The following RIMS2 variants were observed in gnomAD, a reference collection of about 807,000 sequenced individuals.
RIMS2 encodes the protein regulating synaptic membrane exocytosis protein 2.
In RIMS2, 59 loss-of-function variants were observed where a neutral mutation model predicts 174.4. That is an observed-to-expected ratio of 0.34 (90% confidence interval 0.27 to 0.42). RIMS2 has a LOEUF of 0.42. Among genes scored for constraint, RIMS2 ranks in the 10% least tolerant of loss-of-function variants. RIMS2 has a pLI of 1.00. For missense variants in RIMS2, 1,620 were observed against 1,666.3 expected, an observed-to-expected ratio of 0.97 and a Z score of 0.48; for synonymous variants, 606 against 572.5, an observed-to-expected ratio of 1.06 and a Z score of -0.84.
intron 1 of RIMS2, among the ~76,000 whole-genome samples, chr8:103,512,410 T>A (rs1586533332): frequency 6.6e-6 from 1 of 152,314 alleles, no homozygotes; most frequent in Non-Finnish European, 1.5e-5. Context: ...TATTTCTTTT[T>A]GGCGTTATAT....
intron 1 of RIMS2, among the ~76,000 whole-genome samples, chr8:103,669,756 G>A (rs1281519856): frequency 2.0e-5 from 3 of 152,224 alleles, no homozygotes; most frequent in Admixed American, 2.0e-4. Context: ...GGTTCTCATA[G>A]TCTTGGACAA....
At chr8:103,895,611 C>T (rs894016228) in intron 4 of RIMS2, among the ~76,000 whole-genome samples, 13 of 151,360 alleles carry the variant, frequency 8.6e-5, no homozygotes, top group African/African-American at 2.9e-4. Flanking sequence ...ACATTTAGTC[C>T]GTGGCAGTCA....
intron 19 of RIMS2, among the ~76,000 whole-genome samples, chr8:104,155,877 T>A (rs1329201458): frequency 3.9e-5 from 6 of 152,144 alleles, no homozygotes; most frequent in Non-Finnish European, 8.8e-5. Context: ...CACTTTAAGA[T>A]CTGACAAGAA....
chr8:103,842,294 A>G (rs1239126821), intron 3 of RIMS2, among the ~76,000 whole-genome samples: 12 of 152,092 alleles, frequency 7.9e-5, no homozygotes, highest in African/African-American at 2.2e-4. Flanking sequence ...TACATATAAG[A>G]AATAAAAAGG....
At chr8:104,251,984 T>A, downstream of RIMS2, 1 of 609,298 alleles carries the variant, frequency 1.6e-6, no homozygotes. Flanking sequence ...TTGCACACAT[T>A]GTGCCCTAAA....
chr8:104,089,697 T>G (rs2097601627), intron 19 of RIMS2, among the ~76,000 whole-genome samples: 1 of 151,836 alleles, frequency 6.6e-6, no homozygotes, highest in South Asian at 2.1e-4. Context: ...AGCAGAATCA[T>G]CATTAAACTG....
chr8:103,628,522 T>C (rs1226230197), intron 1 of RIMS2, among the ~76,000 whole-genome samples: 10 of 151,782 alleles, frequency 6.6e-5, no homozygotes. Flanking sequence ...GGCTGGCTAA[T>C]TTTGTATTTT....
At chr8:103,859,330 G>T (rs1052705936) in intron 3 of RIMS2, among the ~76,000 whole-genome samples, 5 of 152,144 alleles carry the variant, frequency 3.3e-5, no homozygotes, top group African/African-American at 1.2e-4. Context: ...GCCTAGTGGA[G>T]AATGCAGAAG....
intron 12 of RIMS2, among the ~76,000 whole-genome samples, chr8:103,933,286 C>G (rs1788142): frequency 4.0e-5 from 4 of 99,382 alleles, no homozygotes; most frequent in African/African-American, 2.1e-4. Flanking sequence ...GATCGAGACT[C>G]TGACACACAC....
chr8:104,047,467 ATGATCTT>A (rs2154558377), intron 19 of RIMS2, among the ~76,000 whole-genome samples: 1 of 152,198 alleles, frequency 6.6e-6, no homozygotes, highest in African/African-American at 2.4e-5. Flanking sequence ...TACTTGCTCC[ATGATCTT>A]GTGAAAGTTA....
intron 19 of RIMS2, among the ~76,000 whole-genome samples, chr8:104,031,494 T>C (rs1339666508): frequency 6.6e-6 from 1 of 152,116 alleles, no homozygotes; most frequent in Non-Finnish European, 1.5e-5. Flanking sequence ...TGAAATCTAT[T>C]AAGCAAAATT....
chr8:104,113,479 G>A (rs920540423), intron 19 of RIMS2, among the ~76,000 whole-genome samples: 2 of 151,984 alleles, frequency 1.3e-5, no homozygotes, highest in African/African-American at 4.8e-5. Context: ...GAGATGATTA[G>A]AAAGATATTA....
intron 19 of RIMS2, among the ~76,000 whole-genome samples, chr8:104,216,738 T>C (rs2099131657): frequency 1.3e-5 from 2 of 152,198 alleles, no homozygotes. Flanking sequence ...GGGATGTAAG[T>C]GTTAGCCACT....
chr8:104,096,136 A>G (rs1216780725), intron 19 of RIMS2, among the ~76,000 whole-genome samples: 1 of 152,086 alleles, frequency 6.6e-6, no homozygotes, highest in Non-Finnish European at 1.5e-5. Flanking sequence ...TAATTCACAG[A>G]GAAAAGCTTT....
intron 19 of RIMS2, among the ~76,000 whole-genome samples, chr8:104,179,713 G>GT (rs200183382): frequency 3.0e-4 from 44 of 145,712 alleles, no homozygotes; most frequent in South Asian, 6.5e-4. Context: ...TTATTACCTT[G>GT]TTTTTTTTTT....
chr8:103,853,458 T>C (rs1480272306), intron 3 of RIMS2, among the ~76,000 whole-genome samples: 3 of 152,016 alleles, frequency 2.0e-5, no homozygotes, highest in Non-Finnish European at 4.4e-5. Context: ...AATTCTTTGC[T>C]AAGGCTGAGT....
At chr8:104,236,963 G>T (rs2099262186) in intron 19 of RIMS2, among the ~76,000 whole-genome samples, 1 of 152,118 alleles carries the variant, frequency 6.6e-6, no homozygotes, top group African/African-American at 2.4e-5. Flanking sequence ...AAAACTGGAT[G>T]TGGGGGTGCT....
At chr8:104,229,805 T>A (rs1377124136) in intron 19 of RIMS2, among the ~76,000 whole-genome samples, 1 of 152,148 alleles carries the variant, frequency 6.6e-6, no homozygotes, top group Non-Finnish European at 1.5e-5. Flanking sequence ...CTTACCCAGT[T>A]TGGTCCATCC....
At chr8:103,926,271 C>A (rs574290714) in intron 10 of RIMS2, among the ~76,000 whole-genome samples, 1 of 151,674 alleles carries the variant, frequency 6.6e-6, no homozygotes, top group African/African-American at 2.4e-5. Context: ...CTTCAACATG[C>A]CAAATTTCTC....
Sources: gnomAD v4.1 joint callset for allele counts (sites outside exome capture counted in the v4.1 genomes callset) on GRCh38, gnomAD v4.1.1 for gene constraint, MANE v1.5 for transcripts, NCBI Gene and HGNC (gene_info 2026-07-23, HGNC 2026-07-21) for gene names.